Variants in MGAM observed in about 807,000 individuals in gnomAD.
MGAM encodes the protein alpha-1,4-glucosidase.
A neutral mutation model predicts 358.8 loss-of-function variants in MGAM; 253 were observed. The observed-to-expected ratio is 0.71, with a 90% CI of 0.64 to 0.78. The LOEUF (loss-of-function observed/expected upper bound fraction) is 0.78, where lower values mean the gene tolerates loss of function less well. Ranked by LOEUF, MGAM falls within the 30% of genes least tolerant of loss-of-function variation. MGAM has a pLI of 0.00. For synonymous variants in MGAM, 1,105 were observed against 1,227.1 expected (o/e 0.90, Z 2.08); for missense variants, 3,080 against 3,432.6 (o/e 0.90, Z 2.57).
At chr7:142,059,380 T>C (rs1811870945) in intron 31 of MGAM, 92 bp from the exon 32 acceptor site, 8 of 1,527,476 alleles carry the variant, frequency 5.2e-6, no homozygotes, top group Non-Finnish European at 3.5e-6. Context: ...AGAAGCTGTC[T>C]GGAATTCCAC....
At chr7:142,094,888 G>C (rs775483233) in intron 63 of MGAM, 25 bp downstream of exon 63, 3 of 1,606,368 alleles carry the variant, frequency 1.9e-6, no homozygotes, top group Non-Finnish European at 2.6e-6. Flanking sequence ...CCTACCTCCA[G>C]TGTTTCACTT....
chr7:142,090,428 C>T (rs114101627), intron 57 of MGAM, among the ~76,000 whole-genome samples: 3,508 of 145,698 alleles, frequency 0.024, 255 homozygotes, highest in African/African-American at 0.082. Flanking sequence ...TTCTCTTTGT[C>T]AGGTTTCCTA....
chr7:142,073,925 A>G (rs1012534181), intron 44 of MGAM, among the ~76,000 whole-genome samples, 160 bp from the exon 45 acceptor site: 2 of 146,298 alleles, frequency 1.4e-5, no homozygotes, highest in African/African-American at 2.4e-5. Flanking sequence ...TGTTGATATT[A>G]TAGAAAAATG....
At position 142,050,304 on chromosome 7, in the gene MGAM, G is replaced by A. The variant is rs1810819893; in HGVS notation, c.2637+20G>A. 2.5e-6 allele frequency: 4 copies of A among 1,610,692 alleles called. No individual in the cohort carries two copies. Among genetic ancestry groups the A allele is most frequent in the Non-Finnish European group, 3.4e-6 (4 of 1,177,168 alleles). On this transcript the variant is annotated intron_variant, in intron 23 of 70. Coordinates refer to ENST00000475668, the MANE Select transcript of MGAM (RefSeq NM_001365693.1). ...ACTCAAGTGAGTAGCATATTTTTAT[G>A]AATCTTAGGTGTGGGCTTTGGACTG...
At chr7:142,101,181 A>G (rs1437696161) in intron 68 of MGAM, among the ~76,000 whole-genome samples, 2 of 152,190 alleles carry the variant, frequency 1.3e-5, no homozygotes, top group African/African-American at 4.8e-5. Flanking sequence ...AAACTTTCAT[A>G]GGATTTATGG....
rs749915873 is a variant in MGAM at position 142,070,973 on chromosome 7, T to C, written c.5062-21T>C. On this transcript the variant is annotated intron_variant, in intron 43 of 70. Coordinates refer to ENST00000475668, the MANE Select transcript of MGAM (RefSeq NM_001365693.1). ...GGGCCTGTCCTCTCCTTCATCATCT[T>C]TTACCTTCTTCTGCCCCCAGGGTGT... 8 of 1,555,390 alleles carry C rather than the reference T, an allele frequency of 5.1e-6. 1 individual carries two copies. Among genetic ancestry groups the C allele is most frequent in the Admixed American group, 3.4e-5 (2 of 58,410 alleles).
Position 142,099,745 on chromosome 7 carries a change from A to G in MGAM, c.7874+8A>G. ...ACTGAACACCCACTTAAGGTAAGTG[A>G]CAGGACTCAGGTTTTCCTTTACATG... On this transcript the variant is annotated splice_region_variant and intron_variant, in intron 67 of 70. Coordinates refer to ENST00000475668, the MANE Select transcript of MGAM (RefSeq NM_001365693.1). The G allele has an allele frequency of 6.2e-7, 1 of 1,613,836 alleles. No homozygotes were observed. Among genetic ancestry groups the G allele is most frequent in the Non-Finnish European group, 8.5e-7 (1 of 1,179,812 alleles).
intron 12 of MGAM, 68 bp from the exon 13 acceptor site, chr7:142,031,612 A>G: frequency 9.0e-7 from 1 of 1,104,990 alleles, no homozygotes; most frequent in Non-Finnish European, 1.3e-6. Context: ...ATTTCTTTGC[A>G]AAGTACTTTC....
In MGAM at chr7:142,008,642, T is replaced by C; in HGVS notation, c.264T>C (p.Ala88=). 1.2e-6 allele frequency: 2 copies of C among 1,613,364 alleles called. No individual in the cohort carries two copies. Among genetic ancestry groups the C allele is most frequent in the Non-Finnish European group, 8.5e-7 (1 of 1,179,478 alleles). ...CAACTGGTACCACTCCTGTTTCTGCTGAATGTCCAGTGGTAAATGAATTGG... is the reference window on the plus strand; with the variant it reads ...CAACTGGTACCACTCCTGTTTCTGCCGAATGTCCAGTGGTAAATGAATTGG... ...PGTTGTTPVS[A]ECPVVNELER... Residue 88 remains alanine (A), a synonymous_variant, in exon 3 of 71, where the codon GCT becomes GCC. Coordinates refer to ENST00000475668, the MANE Select transcript of MGAM (RefSeq NM_001365693.1).
intron 24 of MGAM, among the ~76,000 whole-genome samples, 185 bp from the exon 25 acceptor site, chr7:142,052,109 C>A (rs1229580021): frequency 6.6e-6 from 1 of 152,126 alleles, no homozygotes; most frequent in Non-Finnish European, 1.5e-5. Flanking sequence ...AGACATTTGA[C>A]CTGTTGCTGC....
chr7:142,036,766 A>G, intron 17 of MGAM, 57 bp from the exon 18 acceptor site: 1 of 1,538,152 alleles, frequency 6.5e-7, no homozygotes, highest in Non-Finnish European at 8.9e-7. Context: ...GGAATTCTGC[A>G]GGTGCTTCTG....
intron 13 of MGAM, among the ~76,000 whole-genome samples, chr7:142,032,609 G>A (rs553158262): frequency 6.6e-6 from 1 of 152,006 alleles, no homozygotes; most frequent in Non-Finnish European, 1.5e-5. Context: ...CATTTTCAGC[G>A]ATTATAGACA....
intron 2 of MGAM, among the ~76,000 whole-genome samples, chr7:142,006,784 A>G (rs1466964284): frequency 2.6e-5 from 4 of 152,160 alleles, no homozygotes; most frequent in Non-Finnish European, 5.9e-5. Flanking sequence ...AGTCAGAACT[A>G]TATAAGCTGA....
chr7:142,040,691 C>T (rs770508977), intron 20 of MGAM, 31 bp from the exon 21 acceptor site: 7 of 1,609,362 alleles, frequency 4.3e-6, no homozygotes, highest in African/African-American at 4.0e-5. Flanking sequence ...TGCTGTCATG[C>T]CAATGTGTTT....
intron 25 of MGAM, 54 bp downstream of exon 25, chr7:142,052,500 G>A (rs1435466006): frequency 3.1e-6 from 5 of 1,600,586 alleles, no homozygotes; most frequent in South Asian, 2.2e-5. Context: ...CTAATCTGTA[G>A]TTTCTTAAGC....
rs923531687 is a variant in MGAM at position 142,040,279 on chromosome 7, T to C, written c.2373+108T>C. On this transcript the variant is annotated intron_variant, in intron 20 of 70. Coordinates refer to ENST00000475668, the MANE Select transcript of MGAM (RefSeq NM_001365693.1). ...ATCCATCTACATGCTGAGGAGTAGT[T>C]TTTAGTGTTTTCTGTAATTTCATAG... The C allele has an allele frequency of 6.3e-5, 54 of 860,446 alleles. 1 individual carries two copies. The highest frequency in any genetic ancestry group is 1.0e-4 in the Non-Finnish European group (54 of 536,316). 53.3% of individuals were successfully genotyped at this position (860,446 alleles called of 1,614,324 possible).
rs1811950884 is a variant in MGAM, at chr7:142,059,932, A to G, written c.4025A>G (p.Lys1342Arg). The G allele has an allele frequency of 1.2e-6, 2 of 1,609,734 alleles. No homozygotes were observed. Among genetic ancestry groups the G allele is most frequent in the South Asian group, 1.1e-5 (1 of 89,896 alleles). ...TRGVEDDVFI[K>R]YPNDGDIVWG... ...GGCGTGGAGGATGACGTCTTCATCA[A>G]ATACCCAAATGATGGAGACATTGTC... The change falls in exon 33 of 71, where the codon AAA (lysine) becomes AGA (arginine). Residue 1342 changes from lysine (K) to arginine (R), a missense_variant. Coordinates refer to ENST00000475668, the MANE Select transcript of MGAM (RefSeq NM_001365693.1).
chr7:142,019,208 G>T lies in MGAM; in HGVS notation c.337G>T (p.Asp113Tyr). ...TAACCTCTTGTTTCAGGCCACATGT[G>T]ACCAACGTGGCTGTTGCTGGAATCC... ...PDQPPTKATCDQRGCCWNPQG... is the reference protein window; with the variant it reads ...PDQPPTKATCYQRGCCWNPQG... Residue 113 changes from aspartate to tyrosine, a missense_variant, in exon 4 of 71, where the codon GAC (aspartate) becomes TAC (tyrosine). Asp to Tyr is a radical substitution (Grantham distance 160). Coordinates refer to ENST00000475668, the MANE Select transcript of MGAM (RefSeq NM_001365693.1). 1 of 1,613,232 alleles carries T rather than the reference G, an allele frequency of 6.2e-7. No homozygotes were observed. Among genetic ancestry groups the T allele is most frequent in the South Asian group, 1.1e-5 (1 of 91,008 alleles).
chr7:142,023,083 A>G lies in MGAM; in HGVS notation c.882+644A>G, dbSNP rs557431310. ...TTTTCTTCTTCTCTCTTTGTTTGAG[A>G]TGGGGTCTCACTGTCACCCAGGCTG... On this transcript the variant is annotated intron_variant, in intron 7 of 70. Transcript: ENST00000475668. 1.5e-4 allele frequency among the ~76,000 whole-genome samples: 23 copies of G among 151,796 alleles called. 2 individuals carry two copies. In the South Asian group the frequency reaches 4.4e-3, roughly 29 times the overall value.
Sources: gnomAD v4.1 joint callset for allele counts (sites outside exome capture counted in the v4.1 genomes callset) on GRCh38, gnomAD v4.1.1 for gene constraint, MANE v1.5 for transcripts, NCBI Gene and HGNC (gene_info 2026-07-23, HGNC 2026-07-21) for gene names.